Variants in CHN1 observed in about 807,000 individuals in gnomAD.
The protein encoded by CHN1 is N-chimaerin.
In CHN1, 37 loss-of-function variants were observed where a neutral mutation model predicts 59.5. The observed-to-expected ratio is 0.62, with a 90% CI of 0.48 to 0.82. CHN1 has a LOEUF of 0.82. Among genes scored for constraint, CHN1 ranks in the 40% least tolerant of loss-of-function variants. The pLI, the probability that CHN1 is intolerant of heterozygous loss-of-function variation, is 0.00. For missense variants in CHN1, 469 were observed against 571.0 expected (o/e 0.82, Z 1.82); for synonymous variants, 206 against 200.4 (o/e 1.03, Z -0.24).
chr2:174,821,886 C>T, intron 8 of CHN1: 1 of 275,282 alleles, frequency 3.6e-6, no homozygotes, highest in South Asian at 2.9e-5. Flanking sequence ...ATGACATCTG[C>T]AACATTCTTC....
intron 1 of CHN1, among the ~76,000 whole-genome samples, chr2:174,954,278 T>C (rs866432459): frequency 3.3e-5 from 5 of 152,250 alleles, no homozygotes; most frequent in Middle Eastern, 3.4e-3. Context: ...TTTCTCACCC[T>C]ATACAAAAAT....
chr2:174,920,943 C>A (rs1173048439), intron 3 of CHN1: 1 of 428,606 alleles, frequency 2.3e-6, no homozygotes, highest in South Asian at 1.7e-5. Flanking sequence ...AGTGACAGAT[C>A]ATCAAGCATT....
At chr2:174,816,372 G>T (rs75673248) in intron 8 of CHN1, among the ~76,000 whole-genome samples, 1 of 152,152 alleles carries the variant, frequency 6.6e-6, no homozygotes, top group African/African-American at 2.4e-5. Flanking sequence ...TGGAAAACTG[G>T]CTTGTACCTA....
At chr2:174,824,755 C>T (rs1030516875) in intron 7 of CHN1, among the ~76,000 whole-genome samples, 18 of 152,088 alleles carry the variant, frequency 1.2e-4, no homozygotes, top group Admixed American at 9.8e-4. Context: ...GGACTACAGG[C>T]ACACACGACC....
At chr2:174,839,367 A>G (rs1166717688) in intron 7 of CHN1, among the ~76,000 whole-genome samples, 1 of 152,222 alleles carries the variant, frequency 6.6e-6, no homozygotes, top group African/African-American at 2.4e-5. Flanking sequence ...CCTGCCGTAT[A>G]TGACACCATG....
intron 2 of CHN1, among the ~76,000 whole-genome samples, chr2:174,948,338 A>G (rs1689907099): frequency 6.6e-6 from 1 of 152,190 alleles, no homozygotes. Flanking sequence ...TCTACAGACA[A>G]GGTCTCCACG....
At chr2:174,963,189 T>C (rs1353820170) in intron 1 of CHN1, among the ~76,000 whole-genome samples, 4 of 152,178 alleles carry the variant, frequency 2.6e-5, no homozygotes, top group Non-Finnish European at 5.9e-5. Context: ...GGTCCAGATA[T>C]AGTTTGTGCC....
At chr2:174,987,618 T>C (rs987787267) in intron 1 of CHN1, among the ~76,000 whole-genome samples, 3 of 152,076 alleles carry the variant, frequency 2.0e-5, no homozygotes, top group African/African-American at 7.2e-5. Flanking sequence ...GTATTTGTAG[T>C]ACAGATGGGG....
At chr2:174,937,067 A>G (rs1267001026) in intron 3 of CHN1, among the ~76,000 whole-genome samples, 1 of 152,216 alleles carries the variant, frequency 6.6e-6, no homozygotes, top group Non-Finnish European at 1.5e-5. Context: ...TTTCTGTCAA[A>G]TTATTTATTA....
chr2:174,864,446 T>C (rs964064843), intron 6 of CHN1, among the ~76,000 whole-genome samples: 14 of 152,360 alleles, frequency 9.2e-5, no homozygotes, highest in Non-Finnish European at 1.3e-4. Flanking sequence ...AAATGCAATA[T>C]GCCTTATATT....
chr2:174,824,204 A>G (rs1159425917), intron 8 of CHN1, among the ~76,000 whole-genome samples: 1 of 152,202 alleles, frequency 6.6e-6, no homozygotes. Flanking sequence ...CTCTCTTTTC[A>G]GTGGACTAAT....
intron 5 of CHN1, among the ~76,000 whole-genome samples, chr2:174,895,357 T>C (rs757595935): frequency 1.2e-4 from 18 of 152,078 alleles, no homozygotes; most frequent in Middle Eastern, 3.4e-3. Context: ...GATCCACTTA[T>C]ACGGATATCT....
At chr2:174,904,610 A>G (rs1240506281) in intron 5 of CHN1, among the ~76,000 whole-genome samples, 3 of 151,726 alleles carry the variant, frequency 2.0e-5, no homozygotes, top group Admixed American at 1.3e-4. Flanking sequence ...CTGGTCTCAA[A>G]CTCCCAACCT....
chr2:175,005,303 C>T lies in CHN1; in HGVS notation c.-391G>A. The T allele has an allele frequency of 6.7e-6, 8 of 1,198,508 alleles. No individual in the cohort carries two copies. Among genetic ancestry groups the T allele is most frequent in the Middle Eastern group, 3.5e-4 (1 of 2,878 alleles). 74.2% of individuals were successfully genotyped at this position (1,198,508 alleles called of 1,614,324 possible). On this transcript the variant is annotated 5_prime_UTR_variant, in exon 1 of 13. Transcript: ENST00000409900. ...CGGCGACGGGGAGAGCAGCAGCAGC[C>T]TCGCACAGCCCCCGGCGGGGCGCGC... is the stretch of plus-strand genomic sequence containing the variant.
chr2:174,915,149 C>T lies in CHN1; in HGVS notation c.169G>A (p.Glu57Lys), dbSNP rs948708778. ...ACAATCAAGAGCTGGTCGGCTGCTT[C>T]TCTGGAGATCATGCCATGAAACCTA... is the stretch of plus-strand genomic sequence containing the variant. ...GREFHGMISR[E>K]AADQLLIVAE... Residue 57 changes from glutamate (E) to lysine (K), a missense_variant, in exon 5 of 13, where the codon GAA becomes AAA. Around this residue, in one of 5 missense-constraint regions of CHN1, gnomAD observed 152 missense variants for 166.1 expected, o/e 0.92. Transcript: ENST00000409900. 1.9e-6 allele frequency: 3 copies of T among 1,610,908 alleles called. No individual in the cohort carries two copies. Among genetic ancestry groups the T allele is most frequent in the African/African-American group, 2.7e-5 (2 of 74,892 alleles).
chr2:174,867,500 T>C (rs1558959039), intron 6 of CHN1, among the ~76,000 whole-genome samples: 1 of 152,190 alleles, frequency 6.6e-6, no homozygotes, highest in African/African-American at 2.4e-5. Context: ...TTTCTCTCTT[T>C]CTACTCCAAT....
At chr2:174,865,887 G>T (rs553678255) in intron 6 of CHN1, among the ~76,000 whole-genome samples, 61 of 152,296 alleles carry the variant, frequency 4.0e-4, no homozygotes, top group African/African-American at 1.3e-3. Context: ...ATGGCAGCTA[G>T]AAGGGACCTT....
intron 3 of CHN1, among the ~76,000 whole-genome samples, chr2:174,937,092 G>T (rs1025948099): frequency 2.0e-5 from 3 of 152,050 alleles, no homozygotes; most frequent in Admixed American, 2.0e-4. Context: ...TAGATATTTT[G>T]CATTTTAGAG....
intron 1 of CHN1, among the ~76,000 whole-genome samples, chr2:174,983,075 C>G (rs1691211436): frequency 1.3e-5 from 2 of 151,894 alleles, no homozygotes; most frequent in Non-Finnish European, 2.9e-5. Context: ...TCTGGGGAGG[C>G]AGAAGAGGGC....
Sources: allele counts gnomAD v4.1 joint callset (sites outside exome capture counted in the v4.1 genomes callset), GRCh38; gene constraint gnomAD v4.1.1; regional missense constraint gnomAD v4.1.1; transcripts MANE v1.5; gene names NCBI Gene and HGNC (gene_info 2026-07-23, HGNC 2026-07-21).